Variants in LARGE1 observed in about 807,000 individuals in gnomAD.
The protein encoded by LARGE1 is LARGE xylosyl- and glucuronyltransferase 1.
In LARGE1, 43 loss-of-function variants were observed where a neutral mutation model predicts 87.6. The ratio of observed to expected loss-of-function variants is 0.49; its 90% CI spans 0.38 to 0.63. The LOEUF is 0.63. Ranked by LOEUF, LARGE1 falls within the 30% of genes least tolerant of loss-of-function variation. LARGE1 has a pLI of 0.00. For synonymous variants in LARGE1, 434 were observed against 394.6 expected, an observed-to-expected ratio of 1.10 and a Z score of -1.18; for missense variants, 802 against 1,000.2, an observed-to-expected ratio of 0.80 and a Z score of 2.67.
chr22:33,194,123 A>T (rs188174811), intron 11 of LARGE1, among the ~76,000 whole-genome samples: 30 of 152,142 alleles, frequency 2.0e-4, no homozygotes, highest in Non-Finnish European at 2.6e-4. Flanking sequence ...AGTTATTTAC[A>T]TAAAGACTAA....
chr22:33,790,061 T>G (rs2085774153), intron 1 of LARGE1, among the ~76,000 whole-genome samples: 1 of 152,132 alleles, frequency 6.6e-6, no homozygotes, highest in South Asian at 2.1e-4. Context: ...TCCCCTTGAA[T>G]TGTAATAATC....
chr22:33,662,076 C>CAAAAAAAA (rs34470280), intron 2 of LARGE1, among the ~76,000 whole-genome samples: 1 of 54,894 alleles, frequency 1.8e-5, no homozygotes, highest in Non-Finnish European at 3.3e-5. Flanking sequence ...GCTTAGGAGC[C>CAAAAAAAA]AAAAAAAAAA....
At chr22:33,742,333 G>A (rs1398155987) in intron 2 of LARGE1, among the ~76,000 whole-genome samples, 1 of 152,188 alleles carries the variant, frequency 6.6e-6, no homozygotes, top group East Asian at 1.9e-4. Flanking sequence ...TGCTCCACAA[G>A]CATCAGTGAC....
chr22:33,490,645 C>CT (rs2069798799), intron 6 of LARGE1, among the ~76,000 whole-genome samples: 1 of 152,212 alleles, frequency 6.6e-6, no homozygotes, highest in African/African-American at 2.4e-5. Context: ...GCCATAGTAC[C>CT]TGGGAATCCC....
intron 11 of LARGE1, among the ~76,000 whole-genome samples, chr22:33,306,320 G>C (rs1027913869): frequency 2.0e-5 from 3 of 152,176 alleles, no homozygotes; most frequent in Non-Finnish European, 2.9e-5. Context: ...TGCGCTTCAT[G>C]AGAGGGCCAT....
At chr22:33,328,877 G>A (rs748208341) in intron 10 of LARGE1, among the ~76,000 whole-genome samples, 8 of 152,120 alleles carry the variant, frequency 5.3e-5, no homozygotes, top group Non-Finnish European at 8.8e-5. Flanking sequence ...TCTTGAACAA[G>A]TAAATCATTT....
At chr22:33,739,723 G>T (rs2083804849) in intron 2 of LARGE1, among the ~76,000 whole-genome samples, 1 of 152,166 alleles carries the variant, frequency 6.6e-6, no homozygotes, top group Non-Finnish European at 1.5e-5. Flanking sequence ...GGGGAGAGGA[G>T]AAGAGCAGGA....
intron 1 of LARGE1, among the ~76,000 whole-genome samples, chr22:33,764,734 G>C (rs2084845972): frequency 6.6e-6 from 1 of 152,130 alleles, no homozygotes. Flanking sequence ...TCCAGCCTGG[G>C]CAACACAGCA....
At chr22:33,132,292 T>G in the LARGE1 span, among the ~76,000 whole-genome samples, 1 of 151,680 alleles carries the variant, frequency 6.6e-6, no homozygotes, top group Non-Finnish European at 1.5e-5. Flanking sequence ...CAAGGGATCC[T>G]CCCCCCTCAG....
At chr22:33,583,777 C>T (rs1281093794) in intron 5 of LARGE1, among the ~76,000 whole-genome samples, 1 of 152,212 alleles carries the variant, frequency 6.6e-6, no homozygotes, top group Non-Finnish European at 1.5e-5. Flanking sequence ...CAGTAATGCA[C>T]TTCAGTACAC....
intron 5 of LARGE1, among the ~76,000 whole-genome samples, chr22:33,583,395 C>T (rs1411414629): frequency 1.3e-5 from 2 of 152,204 alleles, no homozygotes; most frequent in Admixed American, 1.3e-4. Context: ...TCAATTTTAT[C>T]TCTTGATTTT....
chr22:33,406,961 TTTTATATTTTTAGCAGAGACGGGGTTTCA>T (rs1475954174), intron 7 of LARGE1, among the ~76,000 whole-genome samples: 2 of 151,622 alleles, frequency 1.3e-5, no homozygotes, highest in Non-Finnish European at 2.9e-5. Context: ...CCCAGCAAAT[TTTTATATTTTTAGCAGAGACGGGGTTTCA>T]CCATGTTGGC....
chr22:33,535,768 C>T (rs1480825775), intron 6 of LARGE1, among the ~76,000 whole-genome samples: 1 of 152,096 alleles, frequency 6.6e-6, no homozygotes, highest in Non-Finnish European at 1.5e-5. Context: ...GTCAATCAGC[C>T]CACTCCTTGC....
At chr22:33,116,964 G>A in the LARGE1 span, among the ~76,000 whole-genome samples, 2 of 152,210 alleles carry the variant, frequency 1.3e-5, 1 homozygote, top group South Asian at 4.1e-4. Flanking sequence ...TTTGTATGCT[G>A]CTAGTTTTCA....
At chr22:33,864,409 G>T (rs1041226773) in intron 1 of LARGE1, among the ~76,000 whole-genome samples, 3 of 152,194 alleles carry the variant, frequency 2.0e-5, no homozygotes, top group African/African-American at 7.2e-5. Context: ...AGACAAGAAG[G>T]GAACTTAAGA....
intron 1 of LARGE1, among the ~76,000 whole-genome samples, chr22:33,854,580 A>G (rs1380785099): frequency 6.6e-6 from 1 of 152,232 alleles, no homozygotes; most frequent in Non-Finnish European, 1.5e-5. Context: ...CAAAGCAAGT[A>G]AAAATAAGAC....
intron 11 of LARGE1, among the ~76,000 whole-genome samples, chr22:33,175,973 A>C (rs758937811): frequency 6.6e-6 from 1 of 152,212 alleles, no homozygotes; most frequent in Non-Finnish European, 1.5e-5. Flanking sequence ...CCAATGGAAC[A>C]GAACAGAGGC....
rs559127681 is a variant in LARGE1 at position 33,235,115 on chromosome 22, A to C, written c.1731-68283T>G. On this transcript the variant is annotated intron_variant, in intron 11 of 11. Coordinates refer to the LARGE1 transcript ENST00000608642. ...CATATTCTCATTTGTTTATTCATTC[A>C]ACATTTCTTTATTGAGAATCAACTA... 3.9e-4 allele frequency among the ~76,000 whole-genome samples: 59 copies of C among 152,338 alleles called. 1 individual carries two copies. The highest frequency in any genetic ancestry group is 3.4e-3 in the Middle Eastern group (1 of 294).
chr22:33,188,207 T>C (rs1249231334), intron 11 of LARGE1, among the ~76,000 whole-genome samples: 1 of 152,086 alleles, frequency 6.6e-6, no homozygotes, highest in Non-Finnish European at 1.5e-5. Context: ...AAGTCACCCA[T>C]CCTATGGTAT....
Sources: allele counts gnomAD v4.1 joint callset (sites outside exome capture counted in the v4.1 genomes callset), GRCh38; gene constraint gnomAD v4.1.1; transcripts MANE v1.5; gene names NCBI Gene and HGNC (gene_info 2026-07-23, HGNC 2026-07-21).